KCNH1: variants seen among roughly 807,000 people sequenced by gnomAD.
The protein encoded by KCNH1 is potassium voltage-gated channel subfamily H member 1, also known as voltage-gated delayed rectifier potassium channel KCNH1.
A neutral mutation model predicts 69.2 loss-of-function variants in KCNH1; 27 were observed. That is an observed-to-expected ratio of 0.39 (90% CI 0.29 to 0.54). The LOEUF is 0.54. Among genes scored for constraint, KCNH1 ranks in the 20% least tolerant of loss-of-function variants. The pLI is 0.68. For missense variants in KCNH1, 798 were observed against 1,261.6 expected (o/e 0.63, Z 5.57); for synonymous variants, 456 against 487.7 (o/e 0.93, Z 0.86).
At position 210,919,464 on chromosome 1, in the gene KCNH1, T is replaced by G; in HGVS notation, c.1462+176A>C. ...TGCACTCTTTTGTATTTTCTAAATT[T>G]TTTTGCAGTAAGCATATACTGCTTT... is the stretch of plus-strand genomic sequence containing the variant. On this transcript the variant is annotated intron_variant, in intron 7 of 10. Transcript: ENST00000271751. The surrounding 1 kb of genome is among the most constrained non-coding windows in gnomAD (Gnocchi z 4.2). 1.5e-6 allele frequency: 1 copy of G among 649,596 alleles called. No homozygotes were observed. The highest frequency in any genetic ancestry group is 2.7e-6 in the Non-Finnish European group (1 of 375,450). 40.2% of individuals were successfully genotyped at this position (649,596 alleles called of 1,614,324 possible). A position where few individuals can be genotyped will look rare whatever the true frequency, so the allele number is the denominator to read the frequency against.
At chr1:211,129,703 T>C in intron 1 of KCNH1, among the ~76,000 whole-genome samples, 1 of 152,246 alleles carries the variant, frequency 6.6e-6, no homozygotes, top group East Asian at 1.9e-4. Flanking sequence ...TTTTCTGTTT[T>C]ATAAATATTA....
chr1:210,939,334 T>A (rs556624902), intron 6 of KCNH1, among the ~76,000 whole-genome samples: 1 of 152,130 alleles, frequency 6.6e-6, no homozygotes, highest in East Asian at 1.9e-4. Context: ...AATGAAAATA[T>A]AGGGTGCCAA....
At chr1:210,775,611 C>T in intron 9 of KCNH1, 67 bp from the exon 10 acceptor site, 1 of 1,207,178 alleles carries the variant, frequency 8.3e-7, no homozygotes, top group Non-Finnish European at 1.2e-6. Context: ...AGCTGGCTTC[C>T]CTCTATTCCC....
At chr1:211,018,101 C>CAG (rs1246338357) in intron 6 of KCNH1, among the ~76,000 whole-genome samples, 1 of 152,146 alleles carries the variant, frequency 6.6e-6, no homozygotes, top group African/African-American at 2.4e-5. Flanking sequence ...CTCCCCCCTT[C>CAG]ACCTTCCACC....
chr1:210,749,765 T>C (rs560359451), intron 10 of KCNH1, among the ~76,000 whole-genome samples: 138 of 135,094 alleles, frequency 1.0e-3, no homozygotes, highest in African/African-American at 4.0e-3. Flanking sequence ...TTTTTTGAGA[T>C]GGAGCCTCGC....
chr1:211,058,196 CCTA>C (rs899819562), intron 5 of KCNH1, among the ~76,000 whole-genome samples: 1 of 152,086 alleles, frequency 6.6e-6, no homozygotes, highest in African/African-American at 2.4e-5. Context: ...CCAGGACTGT[CCTA>C]CAAGAAACAC....
chr1:210,840,812 C>T (rs1036946195), intron 7 of KCNH1, among the ~76,000 whole-genome samples: 4 of 152,106 alleles, frequency 2.6e-5, no homozygotes, highest in African/African-American at 7.2e-5. Context: ...TCCCTGCTAC[C>T]GTTAAAATAA....
chr1:210,935,062 T>C (rs1195321706), intron 6 of KCNH1, among the ~76,000 whole-genome samples: 1 of 149,550 alleles, frequency 6.7e-6, no homozygotes, highest in Non-Finnish European at 1.5e-5. Flanking sequence ...CTGTTCACAA[T>C]AGCTAAGATA....
At chr1:210,693,817 G>T (rs1681577974) in intron 10 of KCNH1, among the ~76,000 whole-genome samples, 1 of 152,160 alleles carries the variant, frequency 6.6e-6, no homozygotes, top group Non-Finnish European at 1.5e-5. Flanking sequence ...AGGGGCATTT[G>T]CAGCCTTGTG....
intron 6 of KCNH1, among the ~76,000 whole-genome samples, chr1:210,927,865 A>T (rs1167483959): frequency 6.6e-6 from 1 of 152,172 alleles, no homozygotes; most frequent in Non-Finnish European, 1.5e-5. Flanking sequence ...GGGGTGGAAA[A>T]AGATATTCTA....
intron 7 of KCNH1, among the ~76,000 whole-genome samples, chr1:210,850,617 C>T (rs984339400): frequency 6.6e-6 from 1 of 152,214 alleles, no homozygotes; most frequent in Non-Finnish European, 1.5e-5. Flanking sequence ...GCAGGCCTAT[C>T]ACTCCTCCCA....
intron 7 of KCNH1, among the ~76,000 whole-genome samples, chr1:210,898,688 G>C (rs567785216): frequency 2.0e-5 from 3 of 151,584 alleles, no homozygotes; most frequent in Admixed American, 6.6e-5. Context: ...CGGCGGGGGG[G>C]GGTCCTGTCA....
At chr1:210,746,580 T>A (rs1553340318) in intron 10 of KCNH1, among the ~76,000 whole-genome samples, 2,629 of 151,758 alleles carry the variant, frequency 0.017, 37 homozygotes, top group Admixed American at 0.026. Flanking sequence ...TTTTTTTTTT[T>A]AAATAGAGTC....
At chr1:211,063,945 C>G (rs924580419) in intron 5 of KCNH1, among the ~76,000 whole-genome samples, 31 of 151,984 alleles carry the variant, frequency 2.0e-4, no homozygotes, top group Non-Finnish European at 2.9e-5. Flanking sequence ...TCACATGTAT[C>G]CCATAAATAT....
rs866835386 is a variant in KCNH1 at position 210,871,214 on chromosome 1, A to C, written c.1462+48426T>G. On this transcript the variant is annotated intron_variant, in intron 7 of 10. Coordinates refer to ENST00000271751, the MANE Select transcript of KCNH1 (RefSeq NM_172362.3). ...GCAAACAAATTTACAAGACAAAAACAAACAACCCCATCAAAAAGTGGGCAA... is the reference window on the plus strand; with the variant it reads ...GCAAACAAATTTACAAGACAAAAACCAACAACCCCATCAAAAAGTGGGCAA... Among the ~76,000 whole-genome samples the C allele has an allele frequency of 2.9e-3, 440 of 152,326 alleles. 2 individuals carry two copies. The highest frequency in any genetic ancestry group is 0.01 in the African/African-American group (416 of 41,570).
intron 3 of KCNH1, among the ~76,000 whole-genome samples, chr1:211,098,438 A>G (rs1388136386): frequency 6.6e-6 from 1 of 152,208 alleles, no homozygotes; most frequent in Non-Finnish European, 1.5e-5. Context: ...GCCAATAGAT[A>G]GAAATCTTTC....
intron 7 of KCNH1, among the ~76,000 whole-genome samples, chr1:210,819,920 A>G (rs1238885646): frequency 6.6e-6 from 1 of 152,252 alleles, no homozygotes; most frequent in African/African-American, 2.4e-5. Flanking sequence ...TGGTCATGCC[A>G]TGAAGACACT....
chr1:210,997,443 G>A (rs558991104), intron 6 of KCNH1, among the ~76,000 whole-genome samples: 179 of 152,250 alleles, frequency 1.2e-3, no homozygotes, highest in African/African-American at 4.0e-3. Context: ...GAAACGAAGC[G>A]AGAAGGTAAG....
At chr1:210,787,574 A>G (rs1222375176) in intron 9 of KCNH1, among the ~76,000 whole-genome samples, 1 of 152,188 alleles carries the variant, frequency 6.6e-6, no homozygotes, top group Non-Finnish European at 1.5e-5. Flanking sequence ...AAGTTAGTCC[A>G]GGATATGAAA....
Sources: allele counts gnomAD v4.1 joint callset (sites outside exome capture counted in the v4.1 genomes callset), GRCh38; gene constraint gnomAD v4.1.1; non-coding constraint Gnocchi (gnomAD v3.1); transcripts MANE v1.5; gene names NCBI Gene and HGNC (gene_info 2026-07-23, HGNC 2026-07-21).